Variants in ZMYND11 observed in about 807,000 individuals in gnomAD.
ZMYND11 encodes zinc finger MYND domain-containing protein 11.
In ZMYND11, 9 loss-of-function variants were observed where a neutral mutation model predicts 84.9. That is an observed-to-expected ratio of 0.11 (90% CI 0.06 to 0.18). ZMYND11 has a LOEUF of 0.18. ZMYND11 is among the 10% of genes least tolerant of loss of function. ZMYND11 has a pLI of 1.00. For missense variants in ZMYND11, 409 were observed against 761.0 expected (o/e 0.54, Z 5.44); for synonymous variants, 250 against 244.1 (o/e 1.02, Z -0.23).
intron 1 of ZMYND11, among the ~76,000 whole-genome samples, chr10:136,328 C>T (rs1238907131): frequency 6.6e-6 from 1 of 152,194 alleles, no homozygotes; most frequent in African/African-American, 2.4e-5. Flanking sequence ...GCGATGTGTG[C>T]GCCGTGCCCG....
At chr10:152,685 T>A (rs1309125863) in intron 1 of ZMYND11, among the ~76,000 whole-genome samples, 2 of 152,116 alleles carry the variant, frequency 1.3e-5, no homozygotes, top group African/African-American at 4.8e-5. Flanking sequence ...TATCCAGGAA[T>A]TGAACTCAGC....
chr10:249,612 C>T (rs1312161326), intron 14 of ZMYND11: 12 of 985,272 alleles, frequency 1.2e-5, no homozygotes, highest in East Asian at 1.1e-4. Context: ...CATTTGTCAT[C>T]GTGTCCTGCT....
At chr10:169,664 TATC>T (rs1844823602) in intron 1 of ZMYND11, among the ~76,000 whole-genome samples, 1 of 152,138 alleles carries the variant, frequency 6.6e-6, no homozygotes. Flanking sequence ...TTGGTGGGCT[TATC>T]AGTAGACTGG....
chr10:166,406 AAGAC>A (rs1445120912), intron 1 of ZMYND11, among the ~76,000 whole-genome samples: 2 of 152,114 alleles, frequency 1.3e-5, no homozygotes, highest in African/African-American at 4.8e-5. Flanking sequence ...CAGCAACAAA[AAGAC>A]AACCCAATTA....
At chr10:247,272 G>A (rs1952345811) in intron 11 of ZMYND11, 126 bp from the exon 12 acceptor site, 1 of 1,109,724 alleles carries the variant, frequency 9.0e-7, no homozygotes, top group South Asian at 1.5e-5. Flanking sequence ...TGGTAACTGA[G>A]TGGATGGAAG....
chr10:161,432 A>T lies in ZMYND11; in HGVS notation c.-19-18562A>T, dbSNP rs140585107. 1.4e-3 allele frequency among the ~76,000 whole-genome samples: 208 copies of T among 152,334 alleles called. 1 individual carries two copies. The highest frequency in any genetic ancestry group is 2.4e-3 in the Non-Finnish European group (160 of 68,044). The stretch of plus-strand genomic sequence containing the variant: ...GGCGCTAGGATTTTCAGAATGGTAA[A>T]TGAGCATTGGCTTCAAATTAATGTT... On this transcript the variant is annotated intron_variant, in intron 1 of 14. Transcript: ENST00000381604.
chr10:166,413 C>T (rs1554763853), intron 1 of ZMYND11, among the ~76,000 whole-genome samples: 3 of 151,976 alleles, frequency 2.0e-5, no homozygotes, highest in Admixed American at 2.0e-4. Flanking sequence ...AAAAAGACAA[C>T]CCAATTAAAA....
In ZMYND11 at chr10:246,853, C is replaced by G. The variant is rs372290970; in HGVS notation, c.1038C>G (p.Ala346=). 1.2e-6 allele frequency: 2 copies of G among 1,614,128 alleles called. No individual in the cohort carries two copies. Among genetic ancestry groups the G allele is most frequent in the Non-Finnish European group, 1.7e-6 (2 of 1,180,016 alleles). Residue 346 remains alanine (A), a synonymous_variant, in exon 11 of 15, where the codon GCC becomes GCG. Coordinates refer to ENST00000381604, the MANE Select transcript of ZMYND11 (RefSeq NM_001370100.5). The part of the protein sequence containing the change: ...HVKRSMGWKK[A]CDELELHQRF... ...AGCGCAGTATGGGTTGGAAAAAGGC[C>G]TGTGATGAGCTGGAGCTGCATCAGC... is the stretch of plus-strand genomic sequence containing the variant.
chr10:167,303 G>A (rs1170051626), intron 1 of ZMYND11, among the ~76,000 whole-genome samples: 1 of 151,998 alleles, frequency 6.6e-6, no homozygotes, highest in African/African-American at 2.4e-5. Flanking sequence ...AAAAACCACT[G>A]AATTGTACAC....
chr10:227,749 A>G (rs930585450), intron 4 of ZMYND11, among the ~76,000 whole-genome samples: 2 of 152,228 alleles, frequency 1.3e-5, no homozygotes, highest in Non-Finnish European at 2.9e-5. Context: ...TTATGTATCT[A>G]TGAAGCTATA....
chr10:234,875 C>T (rs1949667850), intron 4 of ZMYND11, among the ~76,000 whole-genome samples: 1 of 152,126 alleles, frequency 6.6e-6, no homozygotes. Context: ...GCTTCAGATC[C>T]AGGGAGAGCG....
chr10:175,372 A>G (rs1554766705), intron 1 of ZMYND11, among the ~76,000 whole-genome samples: 2 of 152,316 alleles, frequency 1.3e-5, no homozygotes, highest in East Asian at 3.9e-4. Context: ...GTTCAAGACC[A>G]GCCTGGCCAA....
At position 240,895 on chromosome 10, in the gene ZMYND11, G is replaced by A. The variant is rs1418492897; in HGVS notation, c.756G>A (p.Leu252=). ...AAGTAGTTTCTTTTCTTTTTCAGCT[G>A]GATGAACTGCAGCTTTGCAAGAATT... ...RMLYKDTCHE[L]DELQLCKNCF... Residue 252 remains leucine (L), a splice_region_variant and synonymous_variant, in exon 9 of 15, where the codon CTG becomes CTA. Coordinates refer to ENST00000381604, the MANE Select transcript of ZMYND11 (RefSeq NM_001370100.5). The A allele has an allele frequency of 6.2e-7, 1 of 1,612,188 alleles. No individual in the cohort carries two copies. Among genetic ancestry groups the A allele is most frequent in the African/African-American group, 1.3e-5 (1 of 74,866 alleles).
intron 10 of ZMYND11, 77 bp from the exon 11 acceptor site, chr10:246,689 G>T: frequency 7.2e-7 from 1 of 1,387,068 alleles, no homozygotes; most frequent in Non-Finnish European, 1.0e-6. Flanking sequence ...GGCAGGCAGG[G>T]TCCACTGAAG....
At chr10:228,994 G>GT (rs1422355706) in intron 4 of ZMYND11, among the ~76,000 whole-genome samples, 5 of 152,080 alleles carry the variant, frequency 3.3e-5, no homozygotes, top group Non-Finnish European at 7.4e-5. Flanking sequence ...AATACTACAT[G>GT]TTTTTTTCTA....
At chr10:247,548 CAA>C in intron 12 of ZMYND11, 82 bp downstream of exon 12, 1 of 1,423,272 alleles carries the variant, frequency 7.0e-7, no homozygotes, top group African/African-American at 1.4e-5. Flanking sequence ...CAAAGTATTT[CAA>C]AGACAGTCAC....
chr10:245,530 C>T (rs961528472), intron 10 of ZMYND11, among the ~76,000 whole-genome samples: 3 of 152,246 alleles, frequency 2.0e-5, no homozygotes, highest in Admixed American at 2.0e-4. Flanking sequence ...AGCATAAATA[C>T]GTGTGTTTAT....
chr10:154,588 C>T (rs552354876), intron 1 of ZMYND11, among the ~76,000 whole-genome samples: 1 of 152,136 alleles, frequency 6.6e-6, no homozygotes, highest in South Asian at 2.1e-4. Flanking sequence ...TGTCAGAACA[C>T]CATGAGGGTT....
At chr10:149,374 G>A (rs1297344994) in intron 1 of ZMYND11, among the ~76,000 whole-genome samples, 2 of 151,036 alleles carry the variant, frequency 1.3e-5, no homozygotes, top group African/African-American at 4.9e-5. Context: ...GCAGTGGCGC[G>A]ATCTTGGCTC....
Sources: allele counts gnomAD v4.1 joint callset (sites outside exome capture counted in the v4.1 genomes callset), GRCh38; gene constraint gnomAD v4.1.1; transcripts MANE v1.5; gene names NCBI Gene and HGNC (gene_info 2026-07-23, HGNC 2026-07-21).